Variants in PIWIL2 observed in about 807,000 individuals in gnomAD.
PIWIL2 encodes the protein piwi like RNA-mediated gene silencing 2.
A neutral mutation model predicts 116.5 loss-of-function variants in PIWIL2; 81 were observed. That is an observed-to-expected ratio of 0.70 (90% confidence interval 0.58 to 0.84). PIWIL2 has a LOEUF of 0.84. Ranked by LOEUF, PIWIL2 falls within the 40% of genes least tolerant of loss-of-function variation. The pLI is 0.00. For missense variants in PIWIL2, 1,272 were observed against 1,212.3 expected, an observed-to-expected ratio of 1.05 and a Z score of -0.73; for synonymous variants, 489 against 429.5, an observed-to-expected ratio of 1.14 and a Z score of -1.71.
At chr8:22,346,631 G>A (rs1283679945) in intron 20 of PIWIL2, among the ~76,000 whole-genome samples, 1 of 152,098 alleles carries the variant, frequency 6.6e-6, no homozygotes, top group Non-Finnish European at 1.5e-5. Flanking sequence ...TTTGATATTA[G>A]GGCCCCTTTA....
In PIWIL2 at chr8:22,304,840, C is replaced by G; in HGVS notation, c.1427C>G (p.Pro476Arg). Reference protein sequence around the residue: ...EEDQPLLIHRPSERQDNHGML... With the variant: ...EEDQPLLIHRRSERQDNHGML... ...GACCAGCCATTGCTGATTCACAGGC[C>G]CAGTGAGAGACAGGATAATCATGGG... The change falls in exon 12 of 23, where the codon CCC becomes CGC. Residue 476 changes from proline to arginine, a missense_variant. Transcript: ENST00000356766. 6.2e-7 allele frequency: 1 copy of G among 1,611,840 alleles called. No individual in the cohort carries two copies. Among genetic ancestry groups the G allele is most frequent in the Non-Finnish European group, 8.5e-7 (1 of 1,177,994 alleles).
At chr8:22,345,275 T>C (rs1228319867) in intron 20 of PIWIL2, among the ~76,000 whole-genome samples, 1 of 134,488 alleles carries the variant, frequency 7.4e-6, no homozygotes, top group Non-Finnish European at 1.7e-5. Context: ...TTGAAAACAT[T>C]GTGTACCCAA....
chr8:22,309,852 G>A (rs1831282684), intron 14 of PIWIL2, 109 bp from the exon 15 acceptor site: 1 of 619,268 alleles, frequency 1.6e-6, no homozygotes, highest in African/African-American at 1.8e-5. Flanking sequence ...AGTTCTAACA[G>A]GGACAAGTGT....
chr8:22,312,412 G>A (rs1287319684), intron 16 of PIWIL2, among the ~76,000 whole-genome samples: 1 of 152,062 alleles, frequency 6.6e-6, no homozygotes, highest in Non-Finnish European at 1.5e-5. Context: ...CTACAGGCGT[G>A]GGCCATCACA....
chr8:22,291,231 AC>A (rs1322866446), intron 10 of PIWIL2, among the ~76,000 whole-genome samples: 1 of 151,252 alleles, frequency 6.6e-6, no homozygotes, highest in Admixed American at 6.6e-5. Flanking sequence ...ACTCACTGCA[AC>A]CTCTGCCTCC....
At chr8:22,353,592 A>T (rs1038900754) in intron 21 of PIWIL2, among the ~76,000 whole-genome samples, 1 of 151,934 alleles carries the variant, frequency 6.6e-6, no homozygotes, top group Non-Finnish European at 1.5e-5. Flanking sequence ...AGGTTGCAGT[A>T]AGTCCACTGT....
chr8:22,304,176 A>T lies in PIWIL2; in HGVS notation c.1337A>T (p.Asp446Val). Reference protein sequence around the residue: ...KTPKDSFTMSDGKEITFLEYY... With the variant: ...KTPKDSFTMSVGKEITFLEYY... ...CCAAAGGATAGCTTCACGATGTCTG[A>T]TGGGAAAGAGATCACATTCTTGGAA... The change falls in exon 11 of 23, where the codon GAT becomes GTT. Residue 446 changes from aspartate to valine, a missense_variant. Coordinates refer to ENST00000356766, the MANE Select transcript of PIWIL2 (RefSeq NM_018068.5). The T allele has an allele frequency of 6.2e-7, 1 of 1,613,694 alleles. No individual in the cohort carries two copies. Among genetic ancestry groups the T allele is most frequent in the Non-Finnish European group, 8.5e-7 (1 of 1,179,706 alleles).
chr8:22,279,029 T>C (rs1038434104), intron 1 of PIWIL2, among the ~76,000 whole-genome samples: 1 of 152,138 alleles, frequency 6.6e-6, no homozygotes, highest in Non-Finnish European at 1.5e-5. Context: ...ATAATAGAAA[T>C]AAAGTACACA....
intron 12 of PIWIL2, 96 bp from the exon 13 acceptor site, chr8:22,305,831 A>G (rs771118914): frequency 7.3e-6 from 6 of 818,442 alleles, no homozygotes; most frequent in East Asian, 2.4e-5. Flanking sequence ...AAGGTATATC[A>G]CTGCAGGAGC....
At chr8:22,340,109 A>G (rs1190527791) in intron 20 of PIWIL2, among the ~76,000 whole-genome samples, 3 of 132,770 alleles carry the variant, frequency 2.3e-5, no homozygotes, top group South Asian at 5.1e-4. Flanking sequence ...CTGAAGTGCA[A>G]TGGTGCAATC....
chr8:22,355,410 C>G lies in PIWIL2; in HGVS notation c.2827C>G (p.Pro943Ala), dbSNP rs1192893650. ...GCCTGGCACCATCAGAGTTCCAGCTCCTTGCAAGTATGCCCACAAGCTAGC... is the reference window on the plus strand; with the variant it reads ...GCCTGGCACCATCAGAGTTCCAGCTGCTTGCAAGTATGCCCACAAGCTAGC... Reference protein sequence around the residue: ...NWPGTIRVPAPCKYAHKLAFL... With the variant: ...NWPGTIRVPAACKYAHKLAFL... Residue 943 changes from proline (P) to alanine (A), a missense_variant, in exon 23 of 23, where the codon CCT becomes GCT. By Grantham distance (27) the Pro-to-Ala change is conservative. Transcript: ENST00000356766. 1 of 1,614,158 alleles carries G rather than the reference C, an allele frequency of 6.2e-7. No homozygotes were observed. The highest frequency in any genetic ancestry group is 8.5e-7 in the Non-Finnish European group (1 of 1,179,998).
intron 10 of PIWIL2, among the ~76,000 whole-genome samples, chr8:22,296,181 G>A (rs1280105827): frequency 6.6e-6 from 1 of 151,906 alleles, no homozygotes; most frequent in Non-Finnish European, 1.5e-5. Context: ...TCAGCCTCCT[G>A]AGTAGCTGGG....
chr8:22,284,081 G>C (rs755112541), intron 5 of PIWIL2, 81 bp from the exon 6 acceptor site: 84 of 669,414 alleles, frequency 1.3e-4, no homozygotes, highest in Non-Finnish European at 1.7e-4. Context: ...CAATCTTCTT[G>C]TTGTTGGTTG....
intron 15 of PIWIL2, 91 bp from the exon 16 acceptor site, chr8:22,311,021 A>G (rs1257873459): frequency 8.9e-7 from 1 of 1,122,642 alleles, no homozygotes; most frequent in South Asian, 1.5e-5. Context: ...AATGAGAGTG[A>G]AAAGTAATTT....
At chr8:22,304,569 G>A (rs977132887) in intron 11 of PIWIL2, among the ~76,000 whole-genome samples, 17 of 152,078 alleles carry the variant, frequency 1.1e-4, no homozygotes, top group Non-Finnish European at 2.2e-4. Flanking sequence ...AGTCTTTCTT[G>A]AACTTTTAGC....
intron 13 of PIWIL2, among the ~76,000 whole-genome samples, chr8:22,307,064 C>T (rs776994820): frequency 6.6e-6 from 1 of 152,236 alleles, no homozygotes; most frequent in Non-Finnish European, 1.5e-5. Flanking sequence ...CTTATGGTAA[C>T]ATCAAATGAC....
intron 20 of PIWIL2, among the ~76,000 whole-genome samples, chr8:22,338,225 G>A (rs115444075): frequency 0.011 from 1,708 of 152,308 alleles, 30 homozygotes; most frequent in African/African-American, 0.039. Context: ...TGCAGTTTGT[G>A]TGATTATGTA....
chr8:22,299,624 T>C lies in PIWIL2; in HGVS notation c.1182-4397T>C, dbSNP rs575179476. Among the ~76,000 whole-genome samples the C allele has an allele frequency of 2.0e-3, 309 of 152,340 alleles. 1 individual carries two copies. The highest frequency in any genetic ancestry group is 7.2e-3 in the African/African-American group (298 of 41,572). ...TCCATTAATTTCTTTTTTTCAGATG[T>C]GTAAAGGTACAATTGACATCCGTAA... On this transcript the variant is annotated intron_variant, in intron 10 of 22. Coordinates refer to ENST00000356766, the MANE Select transcript of PIWIL2 (RefSeq NM_018068.5).
chr8:22,347,612 C>T (rs890311110), intron 20 of PIWIL2, among the ~76,000 whole-genome samples: 11 of 150,926 alleles, frequency 7.3e-5, no homozygotes, highest in South Asian at 4.2e-4. Context: ...CTGCAGCCTC[C>T]GCCTCTCGGG....
Sources: gnomAD v4.1 joint callset for allele counts (sites outside exome capture counted in the v4.1 genomes callset) on GRCh38, gnomAD v4.1.1 for gene constraint, MANE v1.5 for transcripts, NCBI Gene and HGNC (gene_info 2026-07-23, HGNC 2026-07-21) for gene names.